Variants in GALNT13 observed in about 807,000 individuals in gnomAD.
The protein encoded by GALNT13 is polypeptide N-acetylgalactosaminyltransferase 13, also known as UDP-GalNAc:polypeptide N-acetylgalactosaminyltransferase 13.
In GALNT13, 28 loss-of-function variants were observed where a neutral mutation model predicts 64.2. The ratio of observed to expected loss-of-function variants is 0.44; its 90% CI spans 0.32 to 0.60. The LOEUF (loss-of-function observed/expected upper bound fraction) is 0.60. GALNT13 is among the 20% of genes least tolerant of loss of function. The probability of loss-of-function intolerance (pLI) is 0.05; values close to 1 mark genes in which losing one functional copy is unlikely to be tolerated. For missense variants in GALNT13, 577 were observed against 669.8 expected (o/e 0.86, Z 1.53); for synonymous variants, 214 against 224.6 (o/e 0.95, Z 0.42).
At chr2:153,324,090 A>G in the GALNT13 span, among the ~76,000 whole-genome samples, 13 of 152,284 alleles carry the variant, frequency 8.5e-5, no homozygotes, top group East Asian at 1.9e-4. Context: ...CAGTATGGCC[A>G]TTTTCACAAT....
chr2:154,042,781 T>A (rs2105329684), intron 3 of GALNT13, among the ~76,000 whole-genome samples: 1 of 151,114 alleles, frequency 6.6e-6, no homozygotes, highest in Admixed American at 6.6e-5. Context: ...AAAATACTTG[T>A]GCCATGGCAG....
chr2:153,209,111 G>A, the GALNT13 span, among the ~76,000 whole-genome samples: 112 of 151,342 alleles, frequency 7.4e-4, no homozygotes, highest in African/African-American at 2.5e-3. Context: ...CAGAGTAGCC[G>A]GGACTACAGG....
chr2:153,884,582 A>G (rs1422943070), intron 1 of GALNT13, among the ~76,000 whole-genome samples: 1 of 151,624 alleles, frequency 6.6e-6, no homozygotes, highest in Non-Finnish European at 1.5e-5. Context: ...TGATAAAGCC[A>G]TTAATAAACT....
chr2:154,079,547 G>A (rs551956518), intron 3 of GALNT13, among the ~76,000 whole-genome samples: 1 of 151,698 alleles, frequency 6.6e-6, no homozygotes, highest in South Asian at 2.1e-4. Flanking sequence ...TGGAGGTCAA[G>A]TGACCTGTTT....
chr2:153,077,929 T>C, the GALNT13 span, among the ~76,000 whole-genome samples: 132 of 152,336 alleles, frequency 8.7e-4, 2 homozygotes, highest in East Asian at 0.022. Flanking sequence ...ACCTTTGTGA[T>C]GCTGGATCTT....
the GALNT13 span, among the ~76,000 whole-genome samples, chr2:153,589,135 CAA>C: frequency 4.0e-5 from 6 of 148,554 alleles, no homozygotes; most frequent in Non-Finnish European, 7.4e-5. Flanking sequence ...AACTTTGTCT[CAA>C]AAAAAAAAGA....
At chr2:154,187,919 T>A (rs1686349824) in intron 4 of GALNT13, among the ~76,000 whole-genome samples, 1 of 152,112 alleles carries the variant, frequency 6.6e-6, no homozygotes, top group Non-Finnish European at 1.5e-5. Flanking sequence ...TGAAGATTGT[T>A]CTTTTCTCTT....
At chr2:153,802,636 C>T in the GALNT13 span, among the ~76,000 whole-genome samples, 5 of 152,112 alleles carry the variant, frequency 3.3e-5, no homozygotes, top group Admixed American at 1.3e-4. Context: ...ATGAAATATC[C>T]CTGAGAATAA....
the GALNT13 span, among the ~76,000 whole-genome samples, chr2:153,735,481 C>T: frequency 1.3e-5 from 2 of 152,100 alleles, no homozygotes; most frequent in African/African-American, 2.4e-5. Flanking sequence ...TATGATGATA[C>T]TGCTAGGCCA....
intron 3 of GALNT13, among the ~76,000 whole-genome samples, chr2:154,047,153 T>G (rs1480730237): frequency 6.6e-6 from 1 of 152,206 alleles, no homozygotes; most frequent in Non-Finnish European, 1.5e-5. Flanking sequence ...TCTTATTTTC[T>G]TGTTAGTGTG....
At chr2:153,123,042 A>T in the GALNT13 span, among the ~76,000 whole-genome samples, 1 of 152,152 alleles carries the variant, frequency 6.6e-6, no homozygotes, top group East Asian at 1.9e-4. Context: ...GGAGAATCCC[A>T]TGTGAAGATA....
chr2:154,303,325 C>G (rs1693551866), intron 9 of GALNT13, among the ~76,000 whole-genome samples: 1 of 151,842 alleles, frequency 6.6e-6, no homozygotes, highest in African/African-American at 2.4e-5. Context: ...TCAGGTGCGC[C>G]CTTTACATAG....
intron 3 of GALNT13, among the ~76,000 whole-genome samples, chr2:154,089,988 G>A (rs539784317): frequency 6.6e-6 from 1 of 151,916 alleles, no homozygotes; most frequent in South Asian, 2.1e-4. Context: ...TCAGTAATTG[G>A]GCCAGATACT....
At chr2:153,482,457 G>A in the GALNT13 span, among the ~76,000 whole-genome samples, 1 of 152,000 alleles carries the variant, frequency 6.6e-6, no homozygotes, top group African/African-American at 2.4e-5. Context: ...TGTAATCTTG[G>A]GCATGTTTTT....
the GALNT13 span, among the ~76,000 whole-genome samples, chr2:153,729,234 C>T: frequency 6.6e-6 from 1 of 152,014 alleles, no homozygotes; most frequent in African/African-American, 2.4e-5. Flanking sequence ...AACCCTTTTT[C>T]CATTGGATTT....
intron 4 of GALNT13, among the ~76,000 whole-genome samples, chr2:154,228,397 G>C (rs1688742342): frequency 6.6e-6 from 1 of 152,100 alleles, no homozygotes; most frequent in Admixed American, 6.6e-5. Flanking sequence ...TCTGTGTCCT[G>C]CACTTTTGTA....
chr2:153,130,976 A>G, the GALNT13 span, among the ~76,000 whole-genome samples: 1 of 152,194 alleles, frequency 6.6e-6, no homozygotes, highest in Non-Finnish European at 1.5e-5. Flanking sequence ...CTTCTTATCT[A>G]ACAAGTCTTC....
chr2:153,726,222 G>C, the GALNT13 span, among the ~76,000 whole-genome samples: 1 of 152,134 alleles, frequency 6.6e-6, no homozygotes, highest in Non-Finnish European at 1.5e-5. Flanking sequence ...TTACATATTA[G>C]TTATTCAAAA....
chr2:153,998,802 G>C lies in GALNT13; in HGVS notation c.142+54163G>C, dbSNP rs188885141. 3.5e-3 allele frequency among the ~76,000 whole-genome samples: 537 copies of C among 152,166 alleles called. 4 individuals carry two copies. Among genetic ancestry groups the C allele is most frequent in the African/African-American group, 0.012 (502 of 41,542 alleles). On this transcript the variant is annotated intron_variant, in intron 3 of 12. Transcript: ENST00000392825. ...TATGTTTAAGTCTGTACTCCATCTTGAGTTAATTTTTTATAAGGTGTGAGG... is the reference window on the plus strand; with the variant it reads ...TATGTTTAAGTCTGTACTCCATCTTCAGTTAATTTTTTATAAGGTGTGAGG...
Sources: allele counts gnomAD v4.1 joint callset (sites outside exome capture counted in the v4.1 genomes callset), GRCh38; gene constraint gnomAD v4.1.1; transcripts MANE v1.5; gene names NCBI Gene and HGNC (gene_info 2026-07-23, HGNC 2026-07-21).